The following CXCL13 variants were observed in gnomAD, a reference collection of about 807,000 sequenced individuals.
The protein encoded by CXCL13 is C-X-C motif chemokine ligand 13.
A neutral mutation model predicts 12.2 loss-of-function variants in CXCL13; 7 were observed. The observed-to-expected ratio is 0.57, with a 90% CI of 0.33 to 1.07. The LOEUF is 1.07. Among genes scored for constraint, CXCL13 ranks in the 50% least tolerant of loss-of-function variants. CXCL13 has a pLI of 0.04. For synonymous variants in CXCL13, 47 were observed against 42.4 expected, an observed-to-expected ratio of 1.11 and a Z score of -0.42; for missense variants, 113 against 127.4, an observed-to-expected ratio of 0.89 and a Z score of 0.55.
chr4:77,575,087 G>T (rs561531561), intron 1 of CXCL13, among the ~76,000 whole-genome samples: 11 of 151,958 alleles, frequency 7.2e-5, no homozygotes, highest in African/African-American at 1.7e-4. Flanking sequence ...AATTCAAAAG[G>T]TTATTGTATA....
chr4:77,557,823 G>T (rs1231681024), intron 1 of CXCL13, among the ~76,000 whole-genome samples: 1 of 152,180 alleles, frequency 6.6e-6, no homozygotes, highest in African/African-American at 2.4e-5. Flanking sequence ...AACACAGATG[G>T]CTAGTGGGCT....
At chr4:77,551,967 C>T (rs1349145731) in intron 1 of CXCL13, among the ~76,000 whole-genome samples, 1 of 152,018 alleles carries the variant, frequency 6.6e-6, no homozygotes, top group African/African-American at 2.4e-5. Context: ...AAATATTTAT[C>T]TCTTCCTTCA....
At position 77,606,356 on chromosome 4, in the gene CXCL13, T is replaced by C. The variant is rs989722005; in HGVS notation, c.64+427T>C. Among the ~76,000 whole-genome samples the C allele has an allele frequency of 2.0e-5, 3 of 152,316 alleles. No individual in the cohort carries two copies. The East Asian group carries it at 5.8e-4, about 29-fold the overall frequency. The stretch of plus-strand genomic sequence containing the variant: ...CTTCATGTAACTCCAAATGGTTAGA[T>C]CTGACATCAAGTACACCACTGTCAG... On this transcript the variant is annotated intron_variant, in intron 1 of 3. Transcript: ENST00000682537.
intron 1 of CXCL13, among the ~76,000 whole-genome samples, chr4:77,587,794 G>T (rs1054784770): frequency 6.6e-6 from 1 of 152,236 alleles, no homozygotes; most frequent in African/African-American, 2.4e-5. Flanking sequence ...CGAGTAATCC[G>T]TTGCAAGGAT....
intron 1 of CXCL13, among the ~76,000 whole-genome samples, chr4:77,587,419 TCA>T (rs1243583293): frequency 1.3e-5 from 2 of 152,156 alleles, no homozygotes; most frequent in Admixed American, 1.3e-4. Flanking sequence ...TGCAGGAAGC[TCA>T]CAGTCCAGCT....
At chr4:77,538,423 C>CTTTTTTTTTTTTTT (rs80263344) in intron 1 of CXCL13, among the ~76,000 whole-genome samples, 1 of 124,192 alleles carries the variant, frequency 8.1e-6, no homozygotes, top group Non-Finnish European at 1.7e-5. Context: ...AATGTCTTGT[C>CTTTTTTTTTTTTTT]TTTTTTTTTT....
At chr4:77,603,683 TG>T (rs1234848701), upstream of CXCL13, among the ~76,000 whole-genome samples, 1 of 152,176 alleles carries the variant, frequency 6.6e-6, no homozygotes, top group African/African-American at 2.4e-5. Context: ...TATGGATGGA[TG>T]GACAGATGGA....
chr4:77,605,713 A>G (rs1210361115), upstream of CXCL13: 8 of 428,100 alleles, frequency 1.9e-5, no homozygotes, highest in Non-Finnish European at 3.0e-5. Context: ...GCTCAGCAAT[A>G]TTTGGGGGCT....
At chr4:77,522,038 C>A (rs1326870875) in intron 1 of CXCL13, among the ~76,000 whole-genome samples, 4 of 152,132 alleles carry the variant, frequency 2.6e-5, no homozygotes, top group Admixed American at 1.3e-4. Context: ...ATTTCTTAAT[C>A]CTGAGTTCTA....
chr4:77,560,481 T>A (rs1348811743), intron 1 of CXCL13, among the ~76,000 whole-genome samples: 1 of 152,242 alleles, frequency 6.6e-6, no homozygotes, highest in African/African-American at 2.4e-5. Context: ...GTACAACTTA[T>A]AGAATCATTT....
chr4:77,515,693 TAAG>T (rs200379764), intron 1 of CXCL13, among the ~76,000 whole-genome samples: 8,697 of 152,290 alleles, frequency 0.057, 375 homozygotes, highest in Non-Finnish European at 0.09. Context: ...CTTATCAGCT[TAAG>T]AAGATTTTGG....
chr4:77,607,651 T>A (rs1727026030), intron 1 of CXCL13, 52 bp from the exon 2 acceptor site: 8 of 1,539,442 alleles, frequency 5.2e-6, no homozygotes, highest in Non-Finnish European at 6.2e-6. Flanking sequence ...AAATTCTAGT[T>A]ATGAATTACA....
intron 1 of CXCL13, among the ~76,000 whole-genome samples, chr4:77,556,951 A>G (rs1229480080): frequency 6.6e-6 from 1 of 152,140 alleles, no homozygotes; most frequent in African/African-American, 2.4e-5. Flanking sequence ...CAGGAGTTCG[A>G]GGCTGCAGTG....
intron 1 of CXCL13, among the ~76,000 whole-genome samples, chr4:77,541,683 T>G (rs2109801284): frequency 6.6e-6 from 1 of 152,298 alleles, no homozygotes; most frequent in East Asian, 1.9e-4. Flanking sequence ...TAGGATTGCT[T>G]TGGCAATTCA....
At chr4:77,565,307 G>A (rs1725901981) in intron 1 of CXCL13, among the ~76,000 whole-genome samples, 1 of 152,136 alleles carries the variant, frequency 6.6e-6, no homozygotes, top group South Asian at 2.1e-4. Flanking sequence ...GCAGATCACA[G>A]GGCTCTTGCA....
rs759250988 is a variant in CXCL13 at position 77,607,849 on chromosome 4, G to T, written c.197+14G>T. 6.2e-7 allele frequency: 1 copy of T among 1,612,518 alleles called. No homozygotes were observed. Among genetic ancestry groups the T allele is most frequent in the African/African-American group, 1.3e-5 (1 of 74,956 alleles). ...AAAAGAAATCATGTAAGTTTCAAGAGAAAAATAAATAAGATTTCCTTCTCC... is the reference window on the plus strand; with the variant it reads ...AAAAGAAATCATGTAAGTTTCAAGATAAAAATAAATAAGATTTCCTTCTCC... On this transcript the variant is annotated intron_variant, in intron 2 of 3. Transcript: ENST00000682537.
intron 1 of CXCL13, among the ~76,000 whole-genome samples, chr4:77,529,047 AT>A (rs1204319526): frequency 1.3e-5 from 2 of 152,088 alleles, no homozygotes; most frequent in East Asian, 3.9e-4. Flanking sequence ...TCCTTTCCTC[AT>A]TTCTTGTTTT....
upstream of CXCL13, among the ~76,000 whole-genome samples, chr4:77,601,994 CAT>C (rs1476937986): frequency 3.3e-5 from 5 of 152,318 alleles, no homozygotes; most frequent in Admixed American, 6.5e-5. Flanking sequence ...CAGGTTAAAA[CAT>C]GTGTTAACAG....
Position 77,550,446 on chromosome 4 carries a change from GGGAGCTGTAGACT to G in CXCL13, c.-43+38667_-43+38679del, listed in dbSNP as rs143725114. On this transcript the variant is annotated intron_variant, in intron 1 of 4. Coordinates refer to the CXCL13 transcript ENST00000286758. ...ATCACTCCTGCTGGGAGCTGTAGAC[GGGAGCTGTAGACT>G]GGAGCTGTTCCTATTCAGCCATCTG... is the stretch of plus-strand genomic sequence containing the variant. 6.3e-3 allele frequency among the ~76,000 whole-genome samples: 964 copies of G among 152,268 alleles called. 16 individuals carry two copies. Among genetic ancestry groups the G allele is most frequent in the African/African-American group, 0.021 (869 of 41,546 alleles).
Sources: gnomAD v4.1 joint callset for allele counts (sites outside exome capture counted in the v4.1 genomes callset) on GRCh38, gnomAD v4.1.1 for gene constraint, MANE v1.5 for transcripts, NCBI Gene and HGNC (gene_info 2026-07-23, HGNC 2026-07-21) for gene names.